The following ODAD3 variants were observed in gnomAD, a reference collection of about 807,000 sequenced individuals.
ODAD3 encodes the protein outer dynein arm docking complex subunit 3, also known as outer dynein arm-docking complex subunit 3.
Under a neutral mutation model 70.9 loss-of-function variants are expected in ODAD3, and 57 were observed. That is an observed-to-expected ratio of 0.80 (90% CI 0.65 to 1.00). ODAD3 has a LOEUF of 1.00. ODAD3 is among the 50% of genes least tolerant of loss of function. ODAD3 has a pLI of 0.00. For missense variants in ODAD3, 797 were observed against 763.9 expected, an observed-to-expected ratio of 1.04 and a Z score of -0.51; for synonymous variants, 327 against 315.9, an observed-to-expected ratio of 1.04 and a Z score of -0.37.
In ODAD3 at chr19:11,424,617, CTA is replaced by C. The variant is rs1207186648; in HGVS notation, c.964-590_964-589del. Among the ~76,000 whole-genome samples, 19 of 84,242 alleles carry C rather than the reference CTA, an allele frequency of 2.3e-4. 2 individuals are homozygous for C. In the East Asian group the frequency reaches 4.8e-3, roughly 21 times the overall value. The allele number at this position is 84,242 out of a possible 152,430, so 55.3% of individuals were successfully genotyped here. ...TATAAATATATATGTGTATATATAC[CTA>C]TGTGTATATATGTATATATGTGTAT... On this transcript the variant is annotated intron_variant, in intron 7 of 12. Transcript: ENST00000356392.
rs1491291956 is a variant in ODAD3 at position 11,425,313 on chromosome 19, A to ATATGTG, written c.963+825_963+830dup. On this transcript the variant is annotated intron_variant, in intron 7 of 12. Transcript: ENST00000356392. ...TATGTGTATATATGTGTATGTGTACATATGTGTATATGTACATATGTGTAT... is the reference window on the plus strand; with the variant it reads ...TATGTGTATATATGTGTATGTGTACATATGTGTATGTGTATATGTACATATGTGTAT... Among the ~76,000 whole-genome samples, 577 of 125,180 alleles carry ATATGTG rather than the reference A, an allele frequency of 4.6e-3. 64 individuals are homozygous for ATATGTG. The highest frequency in any genetic ancestry group is 0.024 in the African/African-American group (543 of 22,344). 82.1% of individuals were successfully genotyped at this position (125,180 alleles called of 152,430 possible). A position where few individuals can be genotyped will look rare whatever the true frequency, so the allele number is the denominator to read the frequency against.
At chr19:11,425,750 C>A in intron 7 of ODAD3, among the ~76,000 whole-genome samples, 1 of 149,552 alleles carries the variant, frequency 6.7e-6, no homozygotes. Flanking sequence ...TTGGTGAGGG[C>A]TGGATGGGAG....
rs755958822 is a variant in ODAD3, at chr19:11,426,460, G to A, written c.826C>T (p.Arg276Trp). 1.2e-6 allele frequency: 2 copies of A among 1,614,010 alleles called. No individual in the cohort carries two copies. The highest frequency in any genetic ancestry group is 1.7e-6 in the Non-Finnish European group (2 of 1,179,952). ...AGGGGTGGCACCTTGGCAATGTCCC[G>A]GGCATTGAGGGCCTCTTGGTTCACC... is the stretch of plus-strand genomic sequence containing the variant. ...HVVNQEALNA[R>W]DIAKNQLQYL... Residue 276 changes from arginine to tryptophan, a missense_variant, in exon 6 of 13, where the codon CGG becomes TGG. Physicochemically the swap from Arg to Trp is moderately radical, Grantham distance 101. Transcript: ENST00000356392.
At chr19:11,424,119 G>A in intron 7 of ODAD3, 90 bp from the exon 8 acceptor site, 3 of 1,469,632 alleles carry the variant, frequency 2.0e-6, no homozygotes, top group South Asian at 1.2e-5. Flanking sequence ...AGGGGCCCGC[G>A]AGGAACAGGG....
chr19:11,425,372 T>C (rs963098596), intron 7 of ODAD3, among the ~76,000 whole-genome samples: 13 of 131,516 alleles, frequency 9.9e-5, no homozygotes, highest in Admixed American at 3.6e-4. Flanking sequence ...CATATGTGTA[T>C]ATATGTGTGT....
At chr19:11,429,774 G>A (rs1473388721) in intron 3 of ODAD3, among the ~76,000 whole-genome samples, 3 of 151,638 alleles carry the variant, frequency 2.0e-5, no homozygotes, top group South Asian at 4.2e-4. Flanking sequence ...TCCTGACCTC[G>A]TGATCCACCC....
intron 3 of ODAD3, among the ~76,000 whole-genome samples, chr19:11,428,959 C>A (rs1159501191): frequency 1.3e-5 from 2 of 151,882 alleles, no homozygotes; most frequent in Non-Finnish European, 2.9e-5. Flanking sequence ...CTCACAGCAA[C>A]CTCCACCTCC....
At chr19:11,428,624 C>T (rs891065884) in intron 3 of ODAD3, among the ~76,000 whole-genome samples, 2 of 152,140 alleles carry the variant, frequency 1.3e-5, no homozygotes, top group Non-Finnish European at 2.9e-5. Context: ...ACATGACTCA[C>T]TGCAGCCTCG....
chr19:11,435,516 G>T, upstream of ODAD3: 1 of 437,282 alleles, frequency 2.3e-6, no homozygotes, highest in Middle Eastern at 8.2e-4. Context: ...TGCCCAAGAT[G>T]GCCGTCTCGG....
chr19:11,423,793 G>T (rs1969196879), intron 8 of ODAD3, 84 bp downstream of exon 8: 3 of 1,421,676 alleles, frequency 2.1e-6, no homozygotes, highest in Admixed American at 1.9e-5. Flanking sequence ...GACAGGGTGT[G>T]TCGGTTTCAC....
At chr19:11,425,192 CATATGTGTATGTGTACATATGTGTATAT>C (rs1969285022) in intron 7 of ODAD3, among the ~76,000 whole-genome samples, 1 of 102,670 alleles carries the variant, frequency 9.7e-6, no homozygotes, top group Non-Finnish European at 1.8e-5. Flanking sequence ...TGTATATATA[CATATGTGTATGTGTACATATGTGTATAT>C]ATGTGTGTAT....
chr19:11,435,093 G>C lies in ODAD3; in HGVS notation c.-77C>G, dbSNP rs532798079. ...AGTCGCCCCTGTCAGGGATCCGTCA[G>C]CTCGGATTCCTAGGGCTCTGAAAAA... On this transcript the variant is annotated 5_prime_UTR_variant, in exon 1 of 13. Transcript: ENST00000356392. 1 of 1,517,234 alleles carries C rather than the reference G, an allele frequency of 6.6e-7. No homozygotes were observed. The highest frequency in any genetic ancestry group is 2.3e-5 in the East Asian group (1 of 43,942). The allele number at this position is 1,517,234 out of a possible 1,614,324, so 94.0% of individuals were successfully genotyped here. A position where few individuals can be genotyped will look rare whatever the true frequency, so the allele number is the denominator to read the frequency against.
At chr19:11,424,184 G>A (rs896499515) in intron 7 of ODAD3, among the ~76,000 whole-genome samples, 155 bp from the exon 8 acceptor site, 1 of 152,090 alleles carries the variant, frequency 6.6e-6, no homozygotes, top group Non-Finnish European at 1.5e-5. Flanking sequence ...AAAGGCACCC[G>A]GGCAGGTGTC....
rs1491554341 is a variant in ODAD3 at position 11,425,130 on chromosome 19, T to TATATAC, written c.963+1013_963+1014insGTATAT. ...ATATATGTGTATATGTACATATGTG[T>TATATAC]ATATGTGTATATGTACATATGTATA... On this transcript the variant is annotated intron_variant, in intron 7 of 12. Transcript: ENST00000356392. Among the ~76,000 whole-genome samples, 12 of 128,428 alleles carry TATATAC rather than the reference T, an allele frequency of 9.3e-5. 1 individual carries two copies. In the East Asian group the frequency reaches 2.0e-3, roughly 21 times the overall value. The allele number at this position is 128,428 out of a possible 152,430, so 84.3% of individuals were successfully genotyped here. A position where few individuals can be genotyped will look rare whatever the true frequency, so the allele number is the denominator to read the frequency against.
intron 3 of ODAD3, among the ~76,000 whole-genome samples, chr19:11,428,091 C>A (rs535455985): frequency 7.4e-5 from 11 of 149,586 alleles, no homozygotes; most frequent in Non-Finnish European, 1.5e-4. Context: ...CAGTGCGAGA[C>A]TCTGTCTCAA....
At position 11,423,754 on chromosome 19, in the gene ODAD3, GCTGAATAACCGAC is replaced by G. The variant is rs1969196225; in HGVS notation, c.1116+110_1116+122del. On this transcript the variant is annotated intron_variant, in intron 8 of 12. Coordinates refer to ENST00000356392, the MANE Select transcript of ODAD3 (RefSeq NM_145045.5). ...TTTCAAGAAAGGAGCAGGTTTGTGA[GCTGAATAACCGAC>G]CTGGCAGAGAGGGGAGACAGGGTGT... The G allele has an allele frequency of 3.0e-6, 3 of 994,038 alleles. No individual in the cohort carries two copies. The Admixed American group carries it at 7.8e-5, about 26-fold the overall frequency. 61.6% of individuals were successfully genotyped at this position (994,038 alleles called of 1,614,324 possible). A position where few individuals can be genotyped will look rare whatever the true frequency, so the allele number is the denominator to read the frequency against.
At chr19:11,433,204 T>C (rs1969537493) in intron 1 of ODAD3, among the ~76,000 whole-genome samples, 2 of 152,080 alleles carry the variant, frequency 1.3e-5, no homozygotes, top group African/African-American at 4.8e-5. Context: ...TGCCGTGGGG[T>C]GCTCTCCTGT....
intron 8 of ODAD3, among the ~76,000 whole-genome samples, chr19:11,423,409 C>T (rs1374389978): frequency 6.6e-6 from 1 of 151,956 alleles, no homozygotes; most frequent in Admixed American, 6.6e-5. Flanking sequence ...GGAACCAGGA[C>T]CCAAGGGGGA....
At chr19:11,427,084 C>A in intron 3 of ODAD3, 44 bp from the exon 4 acceptor site, 1 of 1,503,978 alleles carries the variant, frequency 6.6e-7, no homozygotes, top group Non-Finnish European at 8.9e-7. Flanking sequence ...CAACACCCTA[C>A]CCCGACACAC....
Sources: allele counts gnomAD v4.1 joint callset (sites outside exome capture counted in the v4.1 genomes callset), GRCh38; gene constraint gnomAD v4.1.1; transcripts MANE v1.5; gene names NCBI Gene and HGNC (gene_info 2026-07-23, HGNC 2026-07-21).